MAGI1: variants seen among roughly 807,000 people sequenced by gnomAD.
MAGI1 encodes the protein membrane associated guanylate kinase, WW and PDZ domain containing 1.
Under a neutral mutation model 139.9 loss-of-function variants are expected in MAGI1, and 58 were observed. The observed-to-expected ratio is 0.41, with a 90% confidence interval of 0.34 to 0.52. The LOEUF (loss-of-function observed/expected upper bound fraction) is 0.52. Ranked by LOEUF, MAGI1 falls within the 20% of genes least tolerant of loss-of-function variation. MAGI1 has a pLI of 0.12. For missense variants in MAGI1, 1,874 were observed against 1,901.6 expected (o/e 0.99, Z 0.27); for synonymous variants, 812 against 737.9 (o/e 1.10, Z -1.63).
At chr3:65,856,943 T>G (rs1210688350) in intron 1 of MAGI1, among the ~76,000 whole-genome samples, 3 of 152,184 alleles carry the variant, frequency 2.0e-5, no homozygotes, top group Non-Finnish European at 4.4e-5. Context: ...CAGTGACATA[T>G]TAGAAACTGT....
chr3:65,451,789 C>T (rs996869469), intron 6 of MAGI1, among the ~76,000 whole-genome samples: 6 of 152,096 alleles, frequency 3.9e-5, no homozygotes, highest in African/African-American at 1.4e-4. Context: ...GGACCACAGG[C>T]GCATGCCAAC....
chr3:65,942,108 A>C (rs73122186), intron 1 of MAGI1, among the ~76,000 whole-genome samples: 4,621 of 152,094 alleles, frequency 0.03, 104 homozygotes, highest in Non-Finnish European at 0.047. Flanking sequence ...AGAAAATGCC[A>C]TTTTCCTTCC....
intron 3 of MAGI1, among the ~76,000 whole-genome samples, chr3:65,480,688 C>A (rs952910360): frequency 6.6e-6 from 1 of 150,394 alleles, no homozygotes; most frequent in Admixed American, 6.7e-5. Flanking sequence ...CAGGTTCAAG[C>A]GATTCTCCAG....
intron 2 of MAGI1, among the ~76,000 whole-genome samples, chr3:65,597,172 C>T (rs1460253633): frequency 1.3e-5 from 2 of 150,996 alleles, no homozygotes; most frequent in Non-Finnish European, 3.0e-5. Context: ...ACTGATTTTT[C>T]CCCCCTCCCT....
chr3:65,743,824 T>C (rs2035472849), intron 1 of MAGI1, among the ~76,000 whole-genome samples: 1 of 152,204 alleles, frequency 6.6e-6, no homozygotes, highest in South Asian at 2.1e-4. Context: ...ATTTTTTGTG[T>C]TGGTTCTCAA....
chr3:65,799,497 C>T (rs926442145), intron 1 of MAGI1, among the ~76,000 whole-genome samples: 2 of 152,180 alleles, frequency 1.3e-5, no homozygotes, highest in South Asian at 4.1e-4. Context: ...GATGAAGAAG[C>T]AGCTGTCACA....
intron 2 of MAGI1, among the ~76,000 whole-genome samples, chr3:65,512,939 A>G (rs1244132372): frequency 6.8e-6 from 1 of 146,080 alleles, no homozygotes; most frequent in African/African-American, 2.5e-5. Flanking sequence ...CCAGCAGCAC[A>G]TCAAAAAGCT....
intron 1 of MAGI1, among the ~76,000 whole-genome samples, chr3:65,648,060 A>G (rs544237502): frequency 6.6e-6 from 1 of 152,378 alleles, no homozygotes; most frequent in Admixed American, 6.5e-5. Flanking sequence ...ATCCCAAGGA[A>G]TCTGTTTTAA....
chr3:65,950,077 A>C (rs986017830), intron 1 of MAGI1, among the ~76,000 whole-genome samples: 19 of 45,776 alleles, frequency 4.2e-4, no homozygotes, highest in East Asian at 2.9e-3. Context: ...CAAAAAAAAA[A>C]CAAAAAAAAA....
intron 7 of MAGI1, among the ~76,000 whole-genome samples, chr3:65,443,325 A>G (rs1176765168): frequency 1.3e-5 from 2 of 152,172 alleles, no homozygotes; most frequent in African/African-American, 4.8e-5. Context: ...CTTGTTCCTA[A>G]TGAAAATGCA....
At chr3:65,798,175 G>A (rs1473010333) in intron 1 of MAGI1, among the ~76,000 whole-genome samples, 3 of 143,374 alleles carry the variant, frequency 2.1e-5, no homozygotes, top group African/African-American at 4.9e-5. Flanking sequence ...ATGGTGGGGT[G>A]TGCCTGTAAT....
chr3:65,387,688 C>G (rs1943565493), intron 14 of MAGI1, among the ~76,000 whole-genome samples: 1 of 152,150 alleles, frequency 6.6e-6, no homozygotes, highest in Admixed American at 6.5e-5. Flanking sequence ...GCATTTCAAG[C>G]CAGAATAGTC....
chr3:65,613,697 C>CA (rs1384107233), intron 2 of MAGI1, among the ~76,000 whole-genome samples: 1 of 152,008 alleles, frequency 6.6e-6, no homozygotes, highest in African/African-American at 2.4e-5. Context: ...TGGGAAAAGG[C>CA]AAAAAATGTG....
intron 1 of MAGI1, among the ~76,000 whole-genome samples, chr3:65,661,280 A>T (rs150803742): frequency 1.3e-5 from 2 of 152,178 alleles, no homozygotes; most frequent in African/African-American, 2.4e-5. Context: ...ATCATATGTA[A>T]ATTACAGAAT....
chr3:65,949,545 T>G (rs2063697790), intron 1 of MAGI1, among the ~76,000 whole-genome samples: 1 of 152,204 alleles, frequency 6.6e-6, no homozygotes, highest in Non-Finnish European at 1.5e-5. Context: ...CACAGTATAA[T>G]ATTCAACATG....
intron 2 of MAGI1, among the ~76,000 whole-genome samples, chr3:65,541,874 T>C (rs375399486): frequency 1.3e-5 from 2 of 152,026 alleles, no homozygotes; most frequent in Admixed American, 6.6e-5. Context: ...ACAGGGATGC[T>C]CTCTCTCACC....
At chr3:65,964,527 G>A (rs943538404) in intron 1 of MAGI1, among the ~76,000 whole-genome samples, 2 of 151,970 alleles carry the variant, frequency 1.3e-5, no homozygotes, top group Non-Finnish European at 2.9e-5. Flanking sequence ...TGGGGGTAGT[G>A]CGGGGGCGGG....
rs150283776 is a variant in MAGI1, at chr3:65,560,242, G to C, written c.430+61730C>G. 5.3e-3 allele frequency among the ~76,000 whole-genome samples: 809 copies of C among 152,150 alleles called. 8 individuals carry two copies. Among genetic ancestry groups the C allele is most frequent in the African/African-American group, 0.019 (779 of 41,492 alleles). On this transcript the variant is annotated intron_variant, in intron 2 of 22. Transcript: ENST00000402939. ...TTAGTGAAAGTATCACATTACTGCC[G>C]CTAAATCAGCCTGTTTTGAATTAAA...
intron 1 of MAGI1, among the ~76,000 whole-genome samples, chr3:65,680,162 G>C (rs2087481713): frequency 1.3e-5 from 2 of 152,112 alleles, no homozygotes; most frequent in South Asian, 2.1e-4. Context: ...ATTCTTCCAT[G>C]ACATTAGGTA....
Sources: allele counts gnomAD v4.1 joint callset (sites outside exome capture counted in the v4.1 genomes callset), GRCh38; gene constraint gnomAD v4.1.1; transcripts MANE v1.5; gene names NCBI Gene and HGNC (gene_info 2026-07-23, HGNC 2026-07-21).